NDUFC2: variants seen among roughly 807,000 people sequenced by gnomAD.
NDUFC2 encodes the protein NADH:ubiquinone oxidoreductase subunit C2.
In NDUFC2, 2 loss-of-function variants were observed where a neutral mutation model predicts 10.1. The ratio of observed to expected loss-of-function variants is 0.20; its 90% CI spans 0.08 to 0.62. The LOEUF is 0.62. NDUFC2 is among the 20% of genes least tolerant of loss of function. NDUFC2 has a pLI of 0.87. For synonymous variants in NDUFC2, 61 were observed against 63.6 expected (o/e 0.96, Z 0.20); for missense variants, 156 against 159.6 (o/e 0.98, Z 0.12).
In NDUFC2 at chr11:78,073,122, T is replaced by C. The variant is rs1590779798; in HGVS notation, c.186A>G (p.Leu62=). 7 of 1,611,546 alleles carry C rather than the reference T, an allele frequency of 4.3e-6. No homozygotes were observed. The highest frequency in any genetic ancestry group is 1.1e-5 in the South Asian group (1 of 90,230). ...CAGCAAAAAAAAAGGCCGTAATATA[T>C]AGAAGCTGGCGATGCAAACCTGAAA... ...IATAGLHRQL[L]YITAFFFAGY... Residue 62 remains leucine (L), a synonymous_variant, in exon 2 of 3, where the codon CTA becomes CTG. Coordinates refer to ENST00000281031, the MANE Select transcript of NDUFC2 (RefSeq NM_004549.6).
intron 1 of NDUFC2, among the ~76,000 whole-genome samples, chr11:78,075,361 T>A (rs1859202469): frequency 6.6e-6 from 1 of 152,186 alleles, no homozygotes; most frequent in African/African-American, 2.4e-5. Flanking sequence ...GGAATTTGAA[T>A]GTTCCCAACA....
At chr11:78,071,206 G>A (rs1198728558) in intron 2 of NDUFC2, among the ~76,000 whole-genome samples, 1 of 151,018 alleles carries the variant, frequency 6.6e-6, no homozygotes, top group Non-Finnish European at 1.5e-5. Context: ...ATCATTCAGT[G>A]TAATGAAATT....
rs1368670021 is a variant in NDUFC2 at position 78,069,896 on chromosome 11, T to C, written c.*91A>G. The C allele has an allele frequency of 1.2e-6, 2 of 1,612,776 alleles. No individual in the cohort carries two copies. Among genetic ancestry groups the C allele is most frequent in the Non-Finnish European group, 1.7e-6 (2 of 1,179,398 alleles). On this transcript the variant is annotated 3_prime_UTR_variant, in exon 3 of 3. Coordinates refer to ENST00000281031, the MANE Select transcript of NDUFC2 (RefSeq NM_004549.6). ...AATTACAAGGTGTCAACATACAGATTAGCATAAGCTTCAACTGTCATAAGA... is the reference window on the plus strand; with the variant it reads ...AATTACAAGGTGTCAACATACAGATCAGCATAAGCTTCAACTGTCATAAGA...
chr11:78,070,643 A>C (rs1858961437), intron 2 of NDUFC2, among the ~76,000 whole-genome samples: 1 of 152,192 alleles, frequency 6.6e-6, no homozygotes, highest in East Asian at 1.9e-4. Flanking sequence ...ACTTTGGAGG[A>C]ATCTGTGATG....
intron 1 of NDUFC2, among the ~76,000 whole-genome samples, chr11:78,074,764 C>G (rs1250605321): frequency 6.6e-6 from 1 of 152,234 alleles, no homozygotes; most frequent in Admixed American, 6.5e-5. Context: ...AGCACTCTCT[C>G]TTACCCCAAA....
chr11:78,073,738 G>T (rs1032081117), intron 1 of NDUFC2, among the ~76,000 whole-genome samples: 6 of 148,244 alleles, frequency 4.0e-5, no homozygotes, highest in African/African-American at 1.3e-4. Context: ...GGAGGCAGAG[G>T]TTGCAGTGAG....
At chr11:78,070,804 C>T (rs1858967129) in intron 2 of NDUFC2, among the ~76,000 whole-genome samples, 1 of 152,218 alleles carries the variant, frequency 6.6e-6, no homozygotes, top group African/African-American at 2.4e-5. Flanking sequence ...ACTGTCTGTG[C>T]ATGAGGCTCT....
intron 1 of NDUFC2, among the ~76,000 whole-genome samples, chr11:78,074,220 T>C (rs901009285): frequency 2.6e-5 from 4 of 152,072 alleles, no homozygotes; most frequent in African/African-American, 9.7e-5. Context: ...TCTAAAATAT[T>C]ACATGCAATG....
intron 1 of NDUFC2, among the ~76,000 whole-genome samples, chr11:78,073,504 AAAAAAT>A (rs1019853242): frequency 6.3e-4 from 93 of 147,642 alleles, no homozygotes; most frequent in Non-Finnish European, 1.1e-3. Flanking sequence ...GCATTTCTTA[AAAAAAT>A]AAAAATAAAA....
intron 1 of NDUFC2, 97 bp downstream of exon 1, chr11:78,079,481 CG>C: frequency 2.1e-6 from 3 of 1,442,686 alleles, no homozygotes; most frequent in Non-Finnish European, 2.7e-6. Flanking sequence ...CAAAAAGGCA[CG>C]GAAAAGCAGA....
chr11:78,079,081 G>A, intron 1 of NDUFC2, among the ~76,000 whole-genome samples: 1 of 137,066 alleles, frequency 7.3e-6, no homozygotes, highest in Non-Finnish European at 1.5e-5. Context: ...TTAAGTTTGA[G>A]AAGCACTGGT....
chr11:78,072,821 A>T, intron 2 of NDUFC2, 177 bp downstream of exon 2: 1 of 892,096 alleles, frequency 1.1e-6, no homozygotes, highest in Non-Finnish European at 1.7e-6. Flanking sequence ...TGCTGTCCAA[A>T]GGACACGGAG....
At chr11:78,076,395 G>T (rs575069660) in intron 1 of NDUFC2, among the ~76,000 whole-genome samples, 1 of 152,298 alleles carries the variant, frequency 6.6e-6, no homozygotes, top group East Asian at 1.9e-4. Context: ...ACCCGCCTCA[G>T]CCTCCCAAAA....
rs1859448687 is a variant in NDUFC2, at chr11:78,079,859, A to C, written c.-115T>G. 1 of 1,408,660 alleles carries C rather than the reference A, an allele frequency of 7.1e-7. No homozygotes were observed. 87.3% of individuals were successfully genotyped at this position (1,408,660 alleles called of 1,614,324 possible). On this transcript the variant is annotated 5_prime_UTR_variant, in exon 1 of 3. Coordinates refer to ENST00000281031, the MANE Select transcript of NDUFC2 (RefSeq NM_004549.6). ...TTTCTCCTCCTCCTCTGCGCGCCGG[A>C]CTCACGGGCACGGCGCAGCGCGGTG...
intron 1 of NDUFC2, among the ~76,000 whole-genome samples, chr11:78,077,957 C>T (rs1397157140): frequency 6.6e-6 from 1 of 152,140 alleles, no homozygotes; most frequent in Non-Finnish European, 1.5e-5. Flanking sequence ...GGGAAAACCT[C>T]GAGTCCTCAG....
intron 1 of NDUFC2, among the ~76,000 whole-genome samples, chr11:78,079,352 A>G (rs1381243337): frequency 6.6e-6 from 1 of 152,178 alleles, no homozygotes; most frequent in Non-Finnish European, 1.5e-5. Context: ...TCACAGACTC[A>G]GTTCCTGCTT....
chr11:78,079,129 CA>C (rs1859395344), intron 1 of NDUFC2, among the ~76,000 whole-genome samples: 1 of 95,300 alleles, frequency 1.0e-5, no homozygotes, highest in African/African-American at 4.3e-5. Flanking sequence ...AAAAAAAAAC[CA>C]AGCTCTGCTA....
intron 1 of NDUFC2, among the ~76,000 whole-genome samples, chr11:78,076,608 C>G (rs1859262368): frequency 6.6e-6 from 1 of 152,190 alleles, no homozygotes; most frequent in African/African-American, 2.4e-5. Context: ...AAGTCTGATC[C>G]CTACTCCTGG....
chr11:78,074,698 G>A (rs536347424), intron 1 of NDUFC2, among the ~76,000 whole-genome samples: 31 of 152,018 alleles, frequency 2.0e-4, no homozygotes, highest in South Asian at 8.3e-4. Context: ...AAGTATTTCC[G>A]AAAATGTATA....
Sources: gnomAD v4.1 joint callset for allele counts (sites outside exome capture counted in the v4.1 genomes callset) on GRCh38, gnomAD v4.1.1 for gene constraint, MANE v1.5 for transcripts, NCBI Gene and HGNC (gene_info 2026-07-23, HGNC 2026-07-21) for gene names.